Variants in GPC6 observed in about 807,000 individuals in gnomAD.
The protein encoded by GPC6 is glypican 6, also known as glypican-6.
A neutral mutation model predicts 55.2 loss-of-function variants in GPC6; 14 were observed. That is an observed-to-expected ratio of 0.25 (90% CI 0.17 to 0.40). The LOEUF is 0.40. Ranked by LOEUF, GPC6 falls within the 10% of genes least tolerant of loss-of-function variation. The pLI, the probability that GPC6 is intolerant of heterozygous loss-of-function variation, is 1.00. For synonymous variants in GPC6, 278 were observed against 259.6 expected (o/e 1.07, Z -0.68); for missense variants, 641 against 708.5 (o/e 0.90, Z 1.08).
intron 1 of GPC6, among the ~76,000 whole-genome samples, chr13:93,416,351 G>T (rs1222605289): frequency 6.6e-6 from 1 of 152,012 alleles, no homozygotes. Flanking sequence ...TGTTGTCTAA[G>T]GAACTTTAAT....
At chr13:94,114,746 C>T (rs1368701435) in intron 4 of GPC6, among the ~76,000 whole-genome samples, 3 of 152,154 alleles carry the variant, frequency 2.0e-5, no homozygotes, top group African/African-American at 4.8e-5. Context: ...AGACCAAGAA[C>T]CAAAATAATC....
chr13:94,333,543 A>G (rs990789293), intron 6 of GPC6, among the ~76,000 whole-genome samples: 9 of 152,172 alleles, frequency 5.9e-5, no homozygotes, highest in South Asian at 2.1e-4. Flanking sequence ...CACTTTGTAC[A>G]TTTTCCTGAG....
intron 1 of GPC6, among the ~76,000 whole-genome samples, chr13:93,350,588 AG>A (rs1880600089): frequency 6.6e-6 from 1 of 152,184 alleles, no homozygotes; most frequent in South Asian, 2.1e-4. Context: ...TAAAATATCA[AG>A]GTGATCTGGA....
chr13:93,585,522 C>T (rs746059944), intron 2 of GPC6, among the ~76,000 whole-genome samples: 10 of 152,164 alleles, frequency 6.6e-5, no homozygotes, highest in Middle Eastern at 3.2e-3. Flanking sequence ...ACTGTTTGCC[C>T]TCTTAGAAAC....
At chr13:93,547,477 A>G (rs1490846599) in intron 2 of GPC6, among the ~76,000 whole-genome samples, 1 of 152,174 alleles carries the variant, frequency 6.6e-6, no homozygotes, top group Non-Finnish European at 1.5e-5. Context: ...TTGTCTTATT[A>G]AAGAAACCTC....
chr13:93,503,428 G>T (rs1208218527), intron 1 of GPC6, among the ~76,000 whole-genome samples: 4 of 152,186 alleles, frequency 2.6e-5, no homozygotes, highest in Non-Finnish European at 5.9e-5. Context: ...TAATCTCGCT[G>T]CAGGGATAGC....
Position 93,995,393 on chromosome 13 carries a change from G to T in GPC6, c.712-32336G>T, listed in dbSNP as rs542281823. 4.6e-5 allele frequency among the ~76,000 whole-genome samples: 7 copies of T among 152,010 alleles called. No individual in the cohort carries two copies. The East Asian group carries it at 1.2e-3, about 25-fold the overall frequency. ...AGTAGATACAGCATTTTGCCATGTT[G>T]TCCAGGCTGGTCTCGATCTCCTAAC... On this transcript the variant is annotated intron_variant, in intron 3 of 8. Coordinates refer to ENST00000377047, the MANE Select transcript of GPC6 (RefSeq NM_005708.5).
In GPC6 at chr13:94,398,537, C is replaced by G. The variant is rs375417991; in HGVS notation, c.1361C>G (p.Thr454Ser). ...AATCCCGAGGTGGATGTGGACATCA[C>G]TCGGCCTGACACTTTCATCAGACAG... ...INNPEVDVDITRPDTFIRQQI... is the reference protein window; with the variant it reads ...INNPEVDVDISRPDTFIRQQI... The change falls in exon 8 of 9, where the codon ACT becomes AGT. Residue 454 changes from threonine (T) to serine (S), a missense_variant. Transcript: ENST00000377047. The G allele has an allele frequency of 8.1e-6, 13 of 1,613,584 alleles. No individual in the cohort carries two copies. In the African/African-American group the frequency reaches 1.2e-4, roughly 15 times the overall value.
At chr13:93,432,920 A>G (rs1236725450) in intron 1 of GPC6, among the ~76,000 whole-genome samples, 2 of 149,644 alleles carry the variant, frequency 1.3e-5, no homozygotes, top group East Asian at 4.0e-4. Context: ...AGGGAGAGAG[A>G]TAGAATAGGA....
chr13:94,359,401 GA>G (rs1878951878), intron 6 of GPC6, among the ~76,000 whole-genome samples: 2 of 152,000 alleles, frequency 1.3e-5, no homozygotes, highest in Non-Finnish European at 2.9e-5. Flanking sequence ...CTTCTAATGA[GA>G]AAAATACAAA....
intron 1 of GPC6, among the ~76,000 whole-genome samples, chr13:93,258,293 A>T (rs971749944): frequency 2.0e-5 from 3 of 152,216 alleles, no homozygotes; most frequent in Non-Finnish European, 4.4e-5. Context: ...AAGCAGCAAC[A>T]GTGAAGAACT....
intron 2 of GPC6, among the ~76,000 whole-genome samples, chr13:93,635,846 A>G (rs1246658669): frequency 6.6e-6 from 1 of 152,180 alleles, no homozygotes; most frequent in Non-Finnish European, 1.5e-5. Context: ...GATGAGCTCC[A>G]GGGCTAACAG....
At chr13:94,029,395 T>C (rs2138722980) in intron 4 of GPC6, among the ~76,000 whole-genome samples, 1 of 152,364 alleles carries the variant, frequency 6.6e-6, no homozygotes, top group East Asian at 1.9e-4. Flanking sequence ...GACATGATTC[T>C]TTACTAAGAT....
At chr13:94,198,842 C>G (rs183306997) in intron 4 of GPC6, among the ~76,000 whole-genome samples, 181 of 152,290 alleles carry the variant, frequency 1.2e-3, no homozygotes, top group Non-Finnish European at 2.2e-3. Context: ...CCTGCCGGAG[C>G]TGGGATTCAC....
intron 1 of GPC6, among the ~76,000 whole-genome samples, chr13:93,389,618 C>T (rs1193560887): frequency 6.6e-6 from 1 of 151,580 alleles, no homozygotes; most frequent in Admixed American, 6.6e-5. Flanking sequence ...TATGTATACA[C>T]ACAGAATGTA....
At chr13:94,297,328 A>G (rs1323499557) in intron 5 of GPC6, among the ~76,000 whole-genome samples, 6 of 152,152 alleles carry the variant, frequency 3.9e-5, no homozygotes, top group African/African-American at 1.2e-4. Flanking sequence ...AGCCCGTCTG[A>G]TGTAAATTAC....
intron 3 of GPC6, among the ~76,000 whole-genome samples, chr13:93,957,549 A>G (rs1566621899): frequency 6.6e-6 from 1 of 152,212 alleles, no homozygotes; most frequent in African/African-American, 2.4e-5. Flanking sequence ...TGCAAAGGAC[A>G]CTATCTCATT....
At chr13:94,161,895 G>A (rs946117768) in intron 4 of GPC6, among the ~76,000 whole-genome samples, 7 of 152,120 alleles carry the variant, frequency 4.6e-5, no homozygotes, top group African/African-American at 1.7e-4. Flanking sequence ...AAGGCAAGGA[G>A]GAGCAAAGGC....
At chr13:94,247,041 T>C (rs567240269) in intron 4 of GPC6, among the ~76,000 whole-genome samples, 1 of 152,140 alleles carries the variant, frequency 6.6e-6, no homozygotes, top group African/African-American at 2.4e-5. Flanking sequence ...TTCATCAATG[T>C]TTTATGGGGT....
Sources: gnomAD v4.1 joint callset for allele counts (sites outside exome capture counted in the v4.1 genomes callset) on GRCh38, gnomAD v4.1.1 for gene constraint, MANE v1.5 for transcripts, NCBI Gene and HGNC (gene_info 2026-07-23, HGNC 2026-07-21) for gene names.